The following NFYC variants were observed in gnomAD, a reference collection of about 807,000 sequenced individuals.
NFYC encodes CAAT box DNA-binding protein subunit C.
A neutral mutation model predicts 53.1 loss-of-function variants in NFYC; 25 were observed. The observed-to-expected ratio is 0.47, with a 90% confidence interval of 0.34 to 0.66. The LOEUF (loss-of-function observed/expected upper bound fraction) is 0.66. Ranked by LOEUF, NFYC falls within the 30% of genes least tolerant of loss-of-function variation. NFYC has a pLI of 0.01. For synonymous variants in NFYC, 145 were observed against 152.6 expected (o/e 0.95, Z 0.37); for missense variants, 260 against 422.7 (o/e 0.62, Z 3.38).
At chr1:40,702,712 A>C (rs1043010002) in intron 1 of NFYC, among the ~76,000 whole-genome samples, 10 of 152,128 alleles carry the variant, frequency 6.6e-5, no homozygotes, top group Non-Finnish European at 7.3e-5. Context: ...TTAAACCTTG[A>C]AGGTGGATTG....
intron 2 of NFYC, among the ~76,000 whole-genome samples, chr1:40,743,352 G>T (rs1051253556): frequency 6.6e-6 from 1 of 152,184 alleles, no homozygotes; most frequent in African/African-American, 2.4e-5. Context: ...CTATATTCCC[G>T]CACAGCAGAG....
chr1:40,736,594 C>T (rs1191997817), intron 1 of NFYC, among the ~76,000 whole-genome samples: 1 of 152,098 alleles, frequency 6.6e-6, no homozygotes, highest in Admixed American at 6.6e-5. Flanking sequence ...CTTAGGAGAG[C>T]ACTAAATTTC....
At chr1:40,700,867 C>A (rs78457880) in intron 1 of NFYC, among the ~76,000 whole-genome samples, 1 of 152,114 alleles carries the variant, frequency 6.6e-6, no homozygotes, top group Admixed American at 6.6e-5. Flanking sequence ...CTGTTTTCCA[C>A]GTTAGTGGTC....
chr1:40,698,839 T>A (rs922136919), intron 1 of NFYC, among the ~76,000 whole-genome samples: 1 of 152,122 alleles, frequency 6.6e-6, no homozygotes, highest in Non-Finnish European at 1.5e-5. Flanking sequence ...TAAATAGTGA[T>A]CTTGAGCAGT....
At chr1:40,723,976 T>C (rs1265443678) in intron 1 of NFYC, among the ~76,000 whole-genome samples, 1 of 152,220 alleles carries the variant, frequency 6.6e-6, no homozygotes, top group Non-Finnish European at 1.5e-5. Context: ...CATGCCTGGC[T>C]GAACCTTTTT....
chr1:40,716,650 T>C (rs967254927), intron 1 of NFYC, among the ~76,000 whole-genome samples: 1 of 152,168 alleles, frequency 6.6e-6, no homozygotes, highest in Non-Finnish European at 1.5e-5. Flanking sequence ...ACAACCCTTA[T>C]AGGATTATTA....
intron 1 of NFYC, among the ~76,000 whole-genome samples, chr1:40,707,125 G>A (rs1265590806): frequency 2.0e-5 from 3 of 150,902 alleles, no homozygotes; most frequent in African/African-American, 4.9e-5. Context: ...AGCTGAGATC[G>A]CACCGTTGTA....
chr1:40,736,816 A>C (rs1214566752), intron 1 of NFYC, among the ~76,000 whole-genome samples: 3 of 97,382 alleles, frequency 3.1e-5, no homozygotes, highest in African/African-American at 1.3e-4. Context: ...ATGCAAACTT[A>C]TTCCAAAAAA....
At chr1:40,747,131 T>C (rs1645646906) in intron 2 of NFYC, among the ~76,000 whole-genome samples, 1 of 151,990 alleles carries the variant, frequency 6.6e-6, no homozygotes, top group Non-Finnish European at 1.5e-5. Context: ...ACTGGCAGTT[T>C]AGAGGAATAC....
At chr1:40,692,441 G>T (rs761631624) in intron 1 of NFYC, 5 of 152,612 alleles carry the variant, frequency 3.3e-5, no homozygotes, top group Non-Finnish European at 5.9e-5. Flanking sequence ...CAAGATTGGG[G>T]TGTGCAGGCC....
At chr1:40,724,282 C>T (rs1364591481) in intron 1 of NFYC, among the ~76,000 whole-genome samples, 4 of 152,020 alleles carry the variant, frequency 2.6e-5, no homozygotes, top group East Asian at 1.9e-4. Context: ...GTGGGAGAAT[C>T]GCTTGAACCC....
At chr1:40,709,156 T>A (rs1009588588) in intron 1 of NFYC, among the ~76,000 whole-genome samples, 6 of 152,236 alleles carry the variant, frequency 3.9e-5, no homozygotes, top group Admixed American at 1.3e-4. Flanking sequence ...AGTCTGAATC[T>A]GACCCCTGTT....
intron 3 of NFYC, among the ~76,000 whole-genome samples, chr1:40,748,200 C>T (rs145321094): frequency 1.3e-5 from 2 of 152,154 alleles, no homozygotes; most frequent in Non-Finnish European, 1.5e-5. Flanking sequence ...GGCATAATCA[C>T]GGCTCACTGT....
At chr1:40,767,483 T>C (rs988896757) in intron 8 of NFYC, among the ~76,000 whole-genome samples, 1 of 152,136 alleles carries the variant, frequency 6.6e-6, no homozygotes, top group Non-Finnish European at 1.5e-5. Context: ...GAGTTCCATA[T>C]AGTCTCTGGG....
rs975751905 is a variant in NFYC, at chr1:40,730,566, A to C, written c.-8-8270A>C. 1.8e-5 allele frequency: 18 copies of C among 985,266 alleles called. No individual in the cohort carries two copies. The African/African-American group carries it at 3.0e-4, about 16-fold the overall frequency. 61.0% of individuals were successfully genotyped at this position (985,266 alleles called of 1,614,324 possible). A position where few individuals can be genotyped will look rare whatever the true frequency, so the allele number is the denominator to read the frequency against. On this transcript the variant is annotated intron_variant, in intron 1 of 9. Coordinates refer to ENST00000447388, the MANE Select transcript of NFYC (RefSeq NM_014223.5). Reference sequence around the variant, plus strand: ...AAGGATGTCACCTCATGACAGAGGAAGATATGATCAAAATGCAAGTCACAA... The same window carrying C: ...AAGGATGTCACCTCATGACAGAGGACGATATGATCAAAATGCAAGTCACAA...
At chr1:40,695,871 T>G (rs1020519122) in intron 1 of NFYC, 1 of 152,228 alleles carries the variant, frequency 6.6e-6, no homozygotes, top group African/African-American at 2.4e-5. Flanking sequence ...AGCTGGGATA[T>G]AAATGTATTA....
At chr1:40,691,927 G>T in intron 1 of NFYC, 60 bp downstream of exon 1, 3 of 337,920 alleles carry the variant, frequency 8.9e-6, no homozygotes, top group Non-Finnish European at 1.2e-5. Context: ...GCGGGGGGAG[G>T]GGCAGCGCTT....
At chr1:40,769,178 G>A in intron 8 of NFYC, 178 bp from the exon 9 acceptor site, 1 of 636,330 alleles carries the variant, frequency 1.6e-6, no homozygotes, top group Non-Finnish European at 2.9e-6. Flanking sequence ...GCCAACTCTT[G>A]ACGTAGCCAT....
intron 1 of NFYC, among the ~76,000 whole-genome samples, chr1:40,705,927 A>G (rs1053625283): frequency 1.3e-5 from 2 of 151,992 alleles, no homozygotes; most frequent in Non-Finnish European, 2.9e-5. Context: ...TGTATTTTTT[A>G]TAGAGATGGG....
Sources: gnomAD v4.1 joint callset for allele counts (sites outside exome capture counted in the v4.1 genomes callset) on GRCh38, gnomAD v4.1.1 for gene constraint, MANE v1.5 for transcripts, NCBI Gene and HGNC (gene_info 2026-07-23, HGNC 2026-07-21) for gene names.